The following MTREX variants were observed in gnomAD, a reference collection of about 807,000 sequenced individuals.
The protein encoded by MTREX is Mtr4 exosome RNA helicase.
MTREX carries 76 observed loss-of-function variants against 135.4 expected under a neutral mutation model. The observed-to-expected ratio is 0.56, with a 90% CI of 0.47 to 0.68. MTREX has a LOEUF of 0.68. Among genes scored for constraint, MTREX ranks in the 30% least tolerant of loss-of-function variants. The pLI is 0.00. For missense variants in MTREX, 920 were observed against 1,262.1 expected (o/e 0.73, Z 4.11); for synonymous variants, 404 against 401.6 (o/e 1.01, Z -0.07).
chr5:55,374,308 G>A lies in MTREX; in HGVS notation c.1811-4006G>A, dbSNP rs1298957279. On this transcript the variant is annotated intron_variant, in intron 16 of 26. Transcript: ENST00000230640. ...TATAAACAATTTTTTTTTTTTTGGAGGCAGGGTCTCACTCTGTTGCCCAGA... is the reference window on the plus strand; with the variant it reads ...TATAAACAATTTTTTTTTTTTTGGAAGCAGGGTCTCACTCTGTTGCCCAGA... Among the ~76,000 whole-genome samples the A allele has an allele frequency of 2.1e-5, 3 of 144,558 alleles. No individual in the cohort carries two copies. The East Asian group carries it at 6.5e-4, about 31-fold the overall frequency. 94.8% of individuals were successfully genotyped at this position (144,558 alleles called of 152,430 possible).
chr5:55,351,594 G>T (rs923879480), intron 13 of MTREX, among the ~76,000 whole-genome samples: 1 of 152,064 alleles, frequency 6.6e-6, no homozygotes, highest in Non-Finnish European at 1.5e-5. Context: ...TGTTGCAGAA[G>T]GTGTATTTAA....
intron 25 of MTREX, among the ~76,000 whole-genome samples, chr5:55,419,695 C>T (rs1444814739): frequency 6.6e-6 from 1 of 152,214 alleles, no homozygotes. Flanking sequence ...AAAGGATTTG[C>T]TTTCCACTGA....
intron 15 of MTREX, among the ~76,000 whole-genome samples, chr5:55,365,989 TAAAAA>T (rs765319067): frequency 8.2e-6 from 1 of 121,304 alleles, no homozygotes; most frequent in African/African-American, 3.1e-5. Flanking sequence ...AGACCCCATC[TAAAAA>T]AAAAAAAAAA....
At chr5:55,422,857 T>C (rs776676352) in intron 25 of MTREX, 21 bp from the exon 26 acceptor site, 8 of 1,596,682 alleles carry the variant, frequency 5.0e-6, no homozygotes, top group Non-Finnish European at 6.8e-6. Flanking sequence ...TTTACCAGTG[T>C]TTTGTTCCTT....
intron 22 of MTREX, among the ~76,000 whole-genome samples, chr5:55,407,695 T>C (rs1004893954): frequency 2.0e-5 from 3 of 152,220 alleles, no homozygotes; most frequent in African/African-American, 7.2e-5. Context: ...GTTGCCCTCC[T>C]GATTATTCGT....
intron 23 of MTREX, among the ~76,000 whole-genome samples, chr5:55,412,127 A>G (rs1579901624): frequency 6.6e-6 from 1 of 152,144 alleles, no homozygotes; most frequent in African/African-American, 2.4e-5. Flanking sequence ...AGTGTCATCA[A>G]TTCTTGTGGT....
At chr5:55,407,032 T>G (rs1215627524) in intron 22 of MTREX, among the ~76,000 whole-genome samples, 1 of 152,224 alleles carries the variant, frequency 6.6e-6, no homozygotes, top group Non-Finnish European at 1.5e-5. Context: ...TTTGTCCATA[T>G]AGTGATGATC....
rs1749678961 is a variant in MTREX at position 55,343,179 on chromosome 5, A to C, written c.782-152A>C. ...TCTACTGGATAGATTAATGGTGAGA[A>C]ATAGTTTTCAGTAAGGTTCTGTGGC... is the stretch of plus-strand genomic sequence containing the variant. On this transcript the variant is annotated intron_variant, in intron 7 of 26. Coordinates refer to ENST00000230640, the MANE Select transcript of MTREX (RefSeq NM_015360.5). 6.4e-6 allele frequency: 4 copies of C among 629,488 alleles called. No homozygotes were observed. In the East Asian group the frequency reaches 1.2e-4, roughly 19 times the overall value. The allele number at this position is 629,488 out of a possible 1,614,324, so 39.0% of individuals were successfully genotyped here. A position where few individuals can be genotyped will look rare whatever the true frequency, so the allele number is the denominator to read the frequency against.
At chr5:55,311,320 A>G (rs1401594273) in intron 1 of MTREX, among the ~76,000 whole-genome samples, 1 of 152,158 alleles carries the variant, frequency 6.6e-6, no homozygotes, top group Non-Finnish European at 1.5e-5. Flanking sequence ...TAAATACTGA[A>G]TCTGCAGTGA....
At chr5:55,372,287 C>T (rs1750216246) in intron 16 of MTREX, among the ~76,000 whole-genome samples, 2 of 152,024 alleles carry the variant, frequency 1.3e-5, no homozygotes, top group African/African-American at 4.8e-5. Flanking sequence ...AATACAGCTC[C>T]TGTAAGCAGT....
At chr5:55,400,516 T>C in intron 21 of MTREX, 95 bp downstream of exon 21, 1 of 789,406 alleles carries the variant, frequency 1.3e-6, no homozygotes, top group Non-Finnish European at 1.9e-6. Flanking sequence ...TTTAATTGGC[T>C]AAAACAGGAA....
At chr5:55,323,779 T>C (rs957047180) in intron 2 of MTREX, among the ~76,000 whole-genome samples, 5 of 152,190 alleles carry the variant, frequency 3.3e-5, no homozygotes, top group Non-Finnish European at 7.4e-5. Context: ...TTATACTTTC[T>C]ATTGTGTAAT....
At chr5:55,377,036 A>C (rs1253541128) in intron 16 of MTREX, among the ~76,000 whole-genome samples, 1 of 152,082 alleles carries the variant, frequency 6.6e-6, no homozygotes, top group African/African-American at 2.4e-5. Flanking sequence ...GTCTCAAAAA[A>C]AACAAGCTAA....
intron 1 of MTREX, among the ~76,000 whole-genome samples, chr5:55,310,518 G>C (rs933770064): frequency 9.9e-5 from 15 of 152,116 alleles, no homozygotes; most frequent in African/African-American, 3.6e-4. Flanking sequence ...TGAGACAAGA[G>C]AATGGCTTGA....
At chr5:55,405,340 A>G in intron 21 of MTREX, 85 bp from the exon 22 acceptor site, 1 of 1,203,684 alleles carries the variant, frequency 8.3e-7, no homozygotes, top group South Asian at 1.5e-5. Flanking sequence ...CTTTAAAAAT[A>G]TTTTTTGTTT....
At chr5:55,386,869 G>A (rs1001581557) in intron 18 of MTREX, among the ~76,000 whole-genome samples, 2 of 151,994 alleles carry the variant, frequency 1.3e-5, no homozygotes, top group Non-Finnish European at 2.9e-5. Context: ...CCTCTGTAAA[G>A]CTAATGTGAT....
At chr5:55,310,241 C>T (rs1399030362) in intron 1 of MTREX, among the ~76,000 whole-genome samples, 1 of 152,110 alleles carries the variant, frequency 6.6e-6, no homozygotes, top group African/African-American at 2.4e-5. Flanking sequence ...AATAAGAAAA[C>T]ACAGGAGAAC....
intron 26 of MTREX, 27 bp from the exon 27 acceptor site, chr5:55,424,693 T>A: frequency 6.3e-7 from 1 of 1,582,952 alleles, no homozygotes; most frequent in Non-Finnish European, 8.7e-7. Context: ...GTCTTGAAAG[T>A]TTAAACCTTA....
intron 26 of MTREX, 169 bp downstream of exon 26, chr5:55,423,151 G>T: frequency 1.7e-6 from 1 of 599,258 alleles, no homozygotes; most frequent in Non-Finnish European, 3.0e-6. Flanking sequence ...GGGAAAAGTT[G>T]AGATTTTATA....
Sources: allele counts gnomAD v4.1 joint callset (sites outside exome capture counted in the v4.1 genomes callset), GRCh38; gene constraint gnomAD v4.1.1; transcripts MANE v1.5; gene names NCBI Gene and HGNC (gene_info 2026-07-23, HGNC 2026-07-21).